Variants in SLC44A2 observed in about 807,000 individuals in gnomAD.
The protein encoded by SLC44A2 is solute carrier family 44 member 2 (CTL2 blood group).
Under a neutral mutation model 90.8 loss-of-function variants are expected in SLC44A2, and 57 were observed. That is an observed-to-expected ratio of 0.63 (90% CI 0.51 to 0.78). The LOEUF (loss-of-function observed/expected upper bound fraction) is 0.78, where lower values mean the gene tolerates loss of function less well. Among genes scored for constraint, SLC44A2 ranks in the 30% least tolerant of loss-of-function variants. SLC44A2 has a pLI of 0.00. For missense variants in SLC44A2, 794 were observed against 919.7 expected (o/e 0.86, Z 1.77); for synonymous variants, 355 against 360.7 (o/e 0.98, Z 0.18).
intron 1 of SLC44A2, among the ~76,000 whole-genome samples, chr19:10,610,099 C>G (rs548120330): frequency 1.3e-5 from 2 of 151,794 alleles, no homozygotes; most frequent in African/African-American, 2.4e-5. Context: ...AGCCACCGAG[C>G]CTGGCTAATG....
In SLC44A2 at chr19:10,629,748, TATAAG is replaced by T. The variant is rs952500741; in HGVS notation, c.246-1305_246-1301del. ...GCCTGAGCCACCCTGCCTGGCCCTA[TATAAG>T]ATATCTTTTTTTTTTTTTGAGACAG... On this transcript the variant is annotated intron_variant, in intron 4 of 21. Coordinates refer to ENST00000335757, the MANE Select transcript of SLC44A2 (RefSeq NM_020428.4). Among the ~76,000 whole-genome samples, 8 of 151,556 alleles carry T rather than the reference TATAAG, an allele frequency of 5.3e-5. No individual in the cohort carries two copies. The East Asian group carries it at 1.2e-3, about 22-fold the overall frequency.
At chr19:10,638,857 T>C (rs2067087216) in intron 20 of SLC44A2, among the ~76,000 whole-genome samples, 1 of 148,306 alleles carries the variant, frequency 6.7e-6, no homozygotes, top group African/African-American at 2.5e-5. Flanking sequence ...TGGAGTGCAA[T>C]AGGGTGATCT....
At chr19:10,630,903 G>A (rs2066986693) in intron 4 of SLC44A2, among the ~76,000 whole-genome samples, 154 bp from the exon 5 acceptor site, 1 of 150,998 alleles carries the variant, frequency 6.6e-6, no homozygotes, top group Non-Finnish European at 1.5e-5. Flanking sequence ...TACTCGGGAG[G>A]CTGAGGCAGG....
At chr19:10,611,662 A>T (rs1227941175) in intron 1 of SLC44A2, among the ~76,000 whole-genome samples, 1 of 151,882 alleles carries the variant, frequency 6.6e-6, no homozygotes, top group Non-Finnish European at 1.5e-5. Flanking sequence ...TCCCAAAAAT[A>T]TGCAAAAAAA....
chr19:10,637,020 A>T (rs1292440863), intron 16 of SLC44A2: 7 of 477,556 alleles, frequency 1.5e-5, no homozygotes, highest in South Asian at 2.8e-5. Context: ...TACCAGAGTG[A>T]ATTGGAGTGG....
upstream of SLC44A2, among the ~76,000 whole-genome samples, chr19:10,625,039 C>T (rs146468116): frequency 6.6e-6 from 1 of 151,986 alleles, no homozygotes; most frequent in East Asian, 1.9e-4. Flanking sequence ...GAGGCTTAGT[C>T]AGGAGGATGG....
At chr19:10,603,756 T>C (rs2144794923) in intron 1 of SLC44A2, among the ~76,000 whole-genome samples, 1 of 152,318 alleles carries the variant, frequency 6.6e-6, no homozygotes, top group East Asian at 1.9e-4. Context: ...CCCCAGTGGC[T>C]GTGGGTGCTG....
chr19:10,611,222 C>T (rs1918296007), intron 1 of SLC44A2, among the ~76,000 whole-genome samples: 3 of 151,640 alleles, frequency 2.0e-5, no homozygotes, highest in South Asian at 2.1e-4. Flanking sequence ...GAGGCCCAGG[C>T]GGGTAGGTCA....
intron 1 of SLC44A2, among the ~76,000 whole-genome samples, chr19:10,610,748 T>A (rs1391603383): frequency 6.8e-6 from 1 of 147,464 alleles, no homozygotes; most frequent in Non-Finnish European, 1.5e-5. Context: ...CAAGTGATTC[T>A]CTGGCCTCAG....
chr19:10,643,137 C>T, intron 21 of SLC44A2, 142 bp from the exon 22 acceptor site: 3 of 1,451,836 alleles, frequency 2.1e-6, no homozygotes, highest in Non-Finnish European at 2.7e-6. Context: ...GAGCCCACTA[C>T]AGTCTGCCCC....
Position 10,627,810 on chromosome 19 carries a change from AGCAGGACTTGGAGTT to A in SLC44A2, c.160+21_160+35del. 6.2e-7 allele frequency: 1 copy of A among 1,614,080 alleles called. No homozygotes were observed. Among genetic ancestry groups the A allele is most frequent in the South Asian group, 1.1e-5 (1 of 91,082 alleles). On this transcript the variant is annotated intron_variant, in intron 3 of 21. Transcript: ENST00000335757. ...AGGCATCATAGGTGAGTAGAGAATG[AGCAGGACTTGGAGTT>A]GCAGGGTAGGCGGAGGCAGCCATGG...
Position 10,643,534 on chromosome 19 carries a change from G to C in SLC44A2, c.*149G>C. 1 of 948,288 alleles carries C rather than the reference G, an allele frequency of 1.1e-6. No individual in the cohort carries two copies. Among genetic ancestry groups the C allele is most frequent in the Non-Finnish European group, 1.5e-6 (1 of 661,522 alleles). The allele number at this position is 948,288 out of a possible 1,614,324, so 58.7% of individuals were successfully genotyped here. A position where few individuals can be genotyped will look rare whatever the true frequency, so the allele number is the denominator to read the frequency against. On this transcript the variant is annotated 3_prime_UTR_variant, in exon 22 of 22. Transcript: ENST00000335757. ...AGCCAGATCCCACCAGTTTCTGGAC[G>C]TGGAGAGTCTGGGGCATCTCCTTCT...
chr19:10,610,469 T>C (rs138464295), intron 1 of SLC44A2, among the ~76,000 whole-genome samples: 4,219 of 148,714 alleles, frequency 0.028, 198 homozygotes, highest in African/African-American at 0.099. Context: ...GTAGCTGGGA[T>C]TACAGGCGCC....
At chr19:10,642,235 T>G (rs1599262260) in intron 20 of SLC44A2, 132 bp from the exon 21 acceptor site, 3 of 685,314 alleles carry the variant, frequency 4.4e-6, no homozygotes, top group Non-Finnish European at 5.2e-6. Flanking sequence ...GGGTGAGGGG[T>G]TGGGATGTCA....
intron 1 of SLC44A2, among the ~76,000 whole-genome samples, chr19:10,607,747 A>ATT (rs1217193882): frequency 3.1e-4 from 37 of 118,646 alleles, no homozygotes; most frequent in East Asian, 1.7e-3. Flanking sequence ...TATTATTATT[A>ATT]TTATTTTTTT....
At chr19:10,618,638 C>A (rs2066875031) in intron 1 of SLC44A2, among the ~76,000 whole-genome samples, 1 of 151,848 alleles carries the variant, frequency 6.6e-6, no homozygotes. Context: ...TGCCACCACG[C>A]CCGGCTAATT....
rs142774430 is a variant in SLC44A2 at position 10,640,858 on chromosome 19, G to A, written c.1930-1509G>A. Among the ~76,000 whole-genome samples the A allele has an allele frequency of 3.6e-3, 542 of 152,250 alleles. 3 individuals carry two copies. Among genetic ancestry groups the A allele is most frequent in the Admixed American group, 5.6e-3 (86 of 15,286 alleles). On this transcript the variant is annotated intron_variant, in intron 20 of 21. Coordinates refer to ENST00000335757, the MANE Select transcript of SLC44A2 (RefSeq NM_020428.4). ...CCCAGCACTTTGGGAAGCCAAGGCA[G>A]GCGGATCATGAACGTCAGGAGATTG...
chr19:10,633,216 G>A (rs2067016236), intron 10 of SLC44A2, among the ~76,000 whole-genome samples: 1 of 152,034 alleles, frequency 6.6e-6, no homozygotes, highest in African/African-American at 2.4e-5. Context: ...CCAGGCTGGC[G>A]TGCAGTGGTG....
At chr19:10,638,831 C>T (rs1010450849) in intron 20 of SLC44A2, among the ~76,000 whole-genome samples, 2 of 149,118 alleles carry the variant, frequency 1.3e-5, no homozygotes, top group African/African-American at 5.0e-5. Flanking sequence ...TGGAGTTTCA[C>T]TCTTGTTGCC....
Sources: allele counts gnomAD v4.1 joint callset (sites outside exome capture counted in the v4.1 genomes callset), GRCh38; gene constraint gnomAD v4.1.1; transcripts MANE v1.5; gene names NCBI Gene and HGNC (gene_info 2026-07-23, HGNC 2026-07-21).